The following CSMD3 variants were observed in gnomAD, a reference collection of about 807,000 sequenced individuals.
CSMD3 encodes the protein CUB and Sushi multiple domains 3, also known as CUB and sushi domain-containing protein 3.
CSMD3 carries 177 observed loss-of-function variants against 435.2 expected under a neutral mutation model. The ratio of observed to expected loss-of-function variants is 0.41; its 90% CI spans 0.36 to 0.46. The LOEUF (loss-of-function observed/expected upper bound fraction) is 0.46, where lower values mean the gene tolerates loss of function less well. Among genes scored for constraint, CSMD3 ranks in the 20% least tolerant of loss-of-function variants. The pLI, the probability that CSMD3 is intolerant of heterozygous loss-of-function variation, is 0.34. For synonymous variants in CSMD3, 1,656 were observed against 1,520.5 expected (o/e 1.09, Z -2.07); for missense variants, 4,265 against 4,504.6 (o/e 0.95, Z 1.52).
intron 1 of CSMD3, among the ~76,000 whole-genome samples, chr8:113,361,499 G>A (rs190057413): frequency 2.6e-5 from 4 of 151,914 alleles, no homozygotes; most frequent in Admixed American, 2.6e-4. Flanking sequence ...CTTTGCTATG[G>A]TAAACATAAT....
chr8:112,701,690 C>T (rs1278813598), intron 13 of CSMD3, among the ~76,000 whole-genome samples: 2 of 152,128 alleles, frequency 1.3e-5, no homozygotes, highest in Non-Finnish European at 1.5e-5. Context: ...TAGATCTCTT[C>T]GACTTCCTTA....
chr8:112,252,432 T>C (rs1322943534), intron 63 of CSMD3, among the ~76,000 whole-genome samples: 1 of 151,886 alleles, frequency 6.6e-6, no homozygotes, highest in East Asian at 1.9e-4. Context: ...TTGATGAGTC[T>C]CACATGGATT....
intron 1 of CSMD3, among the ~76,000 whole-genome samples, chr8:113,373,982 C>T (rs1276236378): frequency 2.0e-5 from 3 of 152,052 alleles, no homozygotes; most frequent in African/African-American, 4.8e-5. Flanking sequence ...AACTGAATAT[C>T]TCTCTAAAAT....
chr8:112,367,894 G>T, intron 38 of CSMD3, among the ~76,000 whole-genome samples: 1 of 152,098 alleles, frequency 6.6e-6, no homozygotes, highest in East Asian at 1.9e-4. Context: ...CAGCTATAAA[G>T]GGTAGCATTT....
At chr8:112,349,533 C>G (rs73700641) in intron 40 of CSMD3, among the ~76,000 whole-genome samples, 2,692 of 152,100 alleles carry the variant, frequency 0.018, 80 homozygotes, top group African/African-American at 0.061. Flanking sequence ...TTATTTTACT[C>G]TTTGTGCTCT....
At chr8:113,113,259 T>A (rs1461956679) in intron 4 of CSMD3, among the ~76,000 whole-genome samples, 2 of 152,164 alleles carry the variant, frequency 1.3e-5, no homozygotes, top group East Asian at 3.9e-4. Context: ...TTAATCATAA[T>A]CCAATCATCC....
rs2075520322 is a variant in CSMD3 at position 112,666,197 on chromosome 8, A to G, written c.2816+80T>C. 2.7e-6 allele frequency: 3 copies of G among 1,115,464 alleles called. No individual in the cohort carries two copies. In the South Asian group the frequency reaches 3.9e-5, roughly 15 times the overall value. The allele number at this position is 1,115,464 out of a possible 1,614,324, so 69.1% of individuals were successfully genotyped here. ...ACTATTACAATAAAATTAAACATTC[A>G]TTTGGTAAATGCAAAAGAGAATGTC... On this transcript the variant is annotated intron_variant, in intron 17 of 70. Transcript: ENST00000297405.
intron 61 of CSMD3, among the ~76,000 whole-genome samples, chr8:112,258,396 A>G (rs1349858586): frequency 6.6e-6 from 1 of 152,240 alleles, no homozygotes; most frequent in Non-Finnish European, 1.5e-5. Context: ...CAAAGGGCTA[A>G]TATCCAGAAT....
intron 9 of CSMD3, among the ~76,000 whole-genome samples, chr8:112,944,852 T>C (rs62514576): frequency 0.42 from 63,117 of 151,278 alleles, 13,397 homozygotes; most frequent in African/African-American, 0.47. Flanking sequence ...ATATTTGAGA[T>C]GACATCACAA....
At chr8:112,492,831 T>G (rs917455422) in intron 30 of CSMD3, 148 bp from the exon 31 acceptor site, 1 of 701,346 alleles carries the variant, frequency 1.4e-6, no homozygotes, top group Admixed American at 2.1e-5. Context: ...TACAGACTTT[T>G]TTTGTCATTA....
chr8:112,899,654 C>T (rs867979228), intron 10 of CSMD3, among the ~76,000 whole-genome samples: 2 of 65,642 alleles, frequency 3.0e-5, no homozygotes, highest in Non-Finnish European at 5.4e-5. Flanking sequence ...TATGTGTACG[C>T]AAATACATAC....
At chr8:112,938,197 T>A (rs1364941815) in intron 9 of CSMD3, among the ~76,000 whole-genome samples, 2 of 152,146 alleles carry the variant, frequency 1.3e-5, no homozygotes, top group East Asian at 1.9e-4. Context: ...CCAACCACCA[T>A]CACTCACCAA....
chr8:112,577,421 G>A (rs974862796), intron 23 of CSMD3, among the ~76,000 whole-genome samples: 1 of 151,958 alleles, frequency 6.6e-6, no homozygotes, highest in Non-Finnish European at 1.5e-5. Context: ...TAGAGCCGTA[G>A]GACTTTTATT....
In CSMD3 at chr8:112,284,960, A is replaced by AT. The variant is rs535132293; in HGVS notation, c.9331+2103dup. Among the ~76,000 whole-genome samples the AT allele has an allele frequency of 1.4e-3, 215 of 151,960 alleles. 1 individual carries two copies. Among genetic ancestry groups the AT allele is most frequent in the Admixed American group, 4.6e-3 (70 of 15,228 alleles). On this transcript the variant is annotated intron_variant, in intron 58 of 70. Coordinates refer to ENST00000297405, the MANE Select transcript of CSMD3 (RefSeq NM_198123.2). ...AATGATACCTTAATATTTAATCATA[A>AT]TTTTTTATTAGTAGTTCTGTTGAAT...
chr8:113,105,002 G>A lies in CSMD3; in HGVS notation c.710-6039C>T, dbSNP rs968444698. ...ACTGAAGAAAGTAATTAATAAGTAT[G>A]TGTTTTTAAACATACAGCTTAAAAT... On this transcript the variant is annotated intron_variant, in intron 4 of 70. Coordinates refer to ENST00000297405, the MANE Select transcript of CSMD3 (RefSeq NM_198123.2). Among the ~76,000 whole-genome samples the A allele has an allele frequency of 9.9e-5, 15 of 152,158 alleles. No homozygotes were observed. In the South Asian group the frequency reaches 2.1e-3, roughly 21 times the overall value.
At position 112,503,949 on chromosome 8, in the gene CSMD3, G is replaced by T. The variant is rs1822245149; in HGVS notation, c.4924C>A (p.Leu1642Ile). The T allele has an allele frequency of 3.7e-6, 6 of 1,609,194 alleles. No individual in the cohort carries two copies. The highest frequency in any genetic ancestry group is 5.1e-6 in the Non-Finnish European group (6 of 1,176,824). The change falls in exon 30 of 71, where the codon CTC becomes ATC. Residue 1642 changes from leucine (L) to isoleucine (I), a missense_variant. Physicochemically the swap from Leu to Ile is conservative, Grantham distance 5 (BLOSUM62 2). Around this residue, in one of 3 missense-constraint regions of CSMD3, gnomAD observed 3,255 missense variants for 3,380.2 expected, o/e 0.96. Coordinates refer to ENST00000297405, the MANE Select transcript of CSMD3 (RefSeq NM_198123.2). ...SFSIEPNYDF[L>I]YIYDGPDSNS... Reference sequence around the variant, plus strand: ...CTGTCTGGTCCATCATAGATATAGAGGAAGTCATAGTTTGGTTCTATGCTA... The same window carrying T: ...CTGTCTGGTCCATCATAGATATAGATGAAGTCATAGTTTGGTTCTATGCTA...
intron 10 of CSMD3, among the ~76,000 whole-genome samples, chr8:112,867,018 T>G (rs1038883504): frequency 3.3e-5 from 5 of 152,080 alleles, no homozygotes; most frequent in Non-Finnish European, 2.9e-5. Flanking sequence ...CATTGGGCTG[T>G]GTTAGGCAAG....
chr8:113,005,398 A>T (rs2086018815), intron 6 of CSMD3, among the ~76,000 whole-genome samples: 1 of 152,068 alleles, frequency 6.6e-6, no homozygotes, highest in Non-Finnish European at 1.5e-5. Context: ...TTAAGGCCAT[A>T]TAGAATCAAA....
At chr8:113,105,325 T>C (rs556711154) in intron 4 of CSMD3, among the ~76,000 whole-genome samples, 29 of 152,130 alleles carry the variant, frequency 1.9e-4, no homozygotes, top group Admixed American at 5.2e-4. Context: ...TTCCGGACCA[T>C]AGAATAAGGA....
Sources: allele counts gnomAD v4.1 joint callset (sites outside exome capture counted in the v4.1 genomes callset), GRCh38; gene constraint gnomAD v4.1.1; regional missense constraint gnomAD v4.1.1; transcripts MANE v1.5; gene names NCBI Gene and HGNC (gene_info 2026-07-23, HGNC 2026-07-21).